Variants in TNFRSF11A observed in about 807,000 individuals in gnomAD.
TNFRSF11A encodes the protein TNF receptor superfamily member 11a, also known as tumor necrosis factor receptor superfamily member 11A.
Under a neutral mutation model 55.7 loss-of-function variants are expected in TNFRSF11A, and 32 were observed. That is an observed-to-expected ratio of 0.57 (90% CI 0.43 to 0.77). The LOEUF (loss-of-function observed/expected upper bound fraction) is 0.77. TNFRSF11A is among the 30% of genes least tolerant of loss of function. The pLI is 0.00. For missense variants in TNFRSF11A, 753 were observed against 809.8 expected (o/e 0.93, Z 0.85); for synonymous variants, 311 against 331.0 (o/e 0.94, Z 0.65).
Position 62,357,199 on chromosome 18 carries a change from C to T in TNFRSF11A, c.428-1049C>T, listed in dbSNP as rs777880941. 3.3e-5 allele frequency among the ~76,000 whole-genome samples: 5 copies of T among 152,208 alleles called. No individual in the cohort carries two copies. In the East Asian group the frequency reaches 5.8e-4, roughly 18 times the overall value. On this transcript the variant is annotated intron_variant, in intron 4 of 9. Coordinates refer to ENST00000586569, the MANE Select transcript of TNFRSF11A (RefSeq NM_003839.4). ...TTTCCTTTTTTTAGTGTTTTATTCA[C>T]GAAAGTAAATCACAGAAGTGCTACT...
chr18:62,383,030 C>T lies in TNFRSF11A; in HGVS notation c.1568-1721C>T, dbSNP rs762798024. On this transcript the variant is annotated intron_variant, in intron 9 of 9. Coordinates refer to ENST00000586569, the MANE Select transcript of TNFRSF11A (RefSeq NM_003839.4). The surrounding 1 kb of genome is among the most constrained non-coding windows in gnomAD (Gnocchi z 4.2). ...TGGTGAGCAGACCCTCACTGGAGTA[C>T]GCTGCATGCCTGGCAATGTGTGGAG... is the stretch of plus-strand genomic sequence containing the variant. Among the ~76,000 whole-genome samples, 33 of 152,256 alleles carry T rather than the reference C, an allele frequency of 2.2e-4. No individual in the cohort carries two copies. Among genetic ancestry groups the T allele is most frequent in the Middle Eastern group, 3.4e-3 (1 of 294 alleles).
intron 6 of TNFRSF11A, among the ~76,000 whole-genome samples, chr18:62,360,512 T>C (rs554861942): frequency 6.6e-6 from 1 of 151,962 alleles, no homozygotes; most frequent in East Asian, 1.9e-4. Context: ...AGTGGCGTGA[T>C]ATCAGCTCAC....
chr18:62,356,815 TG>T (rs558531267), intron 4 of TNFRSF11A, among the ~76,000 whole-genome samples: 199 of 152,076 alleles, frequency 1.3e-3, no homozygotes, highest in Non-Finnish European at 2.5e-3. Flanking sequence ...TTTTGTGAAA[TG>T]GGAAAAGTGT....
rs2046120124 is a variant in TNFRSF11A at position 62,329,482 on chromosome 18, G to A, written c.75+4055G>A. Among the ~76,000 whole-genome samples, 3 of 152,204 alleles carry A rather than the reference G, an allele frequency of 2.0e-5. No homozygotes were observed. The South Asian group carries it at 6.2e-4, about 32-fold the overall frequency. On this transcript the variant is annotated intron_variant, in intron 1 of 9. Transcript: ENST00000586569. Reference sequence around the variant, plus strand: ...CCCTTTCATTCTCTGCCCGGATTGTGGGACGGCCTTTCTGTGTATTTCCCT... The same window carrying A: ...CCCTTTCATTCTCTGCCCGGATTGTAGGACGGCCTTTCTGTGTATTTCCCT...
intron 9 of TNFRSF11A, among the ~76,000 whole-genome samples, chr18:62,380,416 T>C (rs116256783): frequency 2.6e-4 from 39 of 152,152 alleles, no homozygotes; most frequent in African/African-American, 9.4e-4. Context: ...AACTGTCCTT[T>C]ACATCTTAAC....
At chr18:62,365,042 G>A (rs534372067) in intron 7 of TNFRSF11A, among the ~76,000 whole-genome samples, 2 of 152,030 alleles carry the variant, frequency 1.3e-5, no homozygotes, top group South Asian at 2.1e-4. Flanking sequence ...CTGCAGCCTC[G>A]ACCTCCCTCC....
At chr18:62,330,952 A>G (rs530828906) in intron 1 of TNFRSF11A, 37 of 152,406 alleles carry the variant, frequency 2.4e-4, no homozygotes, top group African/African-American at 8.4e-4. Context: ...CACGCCTGCA[A>G]TCCCAGCACT....
rs771876576 is a variant in TNFRSF11A, at chr18:62,354,515, C to A, written c.408C>A (p.Gly136=). 1.2e-6 allele frequency: 2 copies of A among 1,602,710 alleles called. No homozygotes were observed. The highest frequency in any genetic ancestry group is 2.2e-5 in the South Asian group (2 of 91,024). The change falls in exon 4 of 10, where the codon GGC becomes GGA. Residue 136 remains glycine (G), a synonymous_variant. Transcript: ENST00000586569. ...GCCGCAACACCGAGTGCGCGCCGGG[C>A]CTGGGCGCCCAGCACCCGTGTACGG... is the stretch of plus-strand genomic sequence containing the variant. ...CCRRNTECAP[G]LGAQHPLQLN...
intron 3 of TNFRSF11A, 36 bp downstream of exon 3, chr18:62,349,973 T>G: frequency 1.2e-6 from 2 of 1,612,672 alleles, no homozygotes; most frequent in Non-Finnish European, 1.7e-6. Context: ...GTGGGAAGTG[T>G]AGAAACCTCA....
chr18:62,327,850 G>A (rs2145229353), intron 1 of TNFRSF11A, among the ~76,000 whole-genome samples: 1 of 152,298 alleles, frequency 6.6e-6, no homozygotes, highest in Non-Finnish European at 1.5e-5. Flanking sequence ...CTGCCTGCTT[G>A]TATTTGTGAG....
Position 62,390,663 on chromosome 18 carries a change from G to T in TNFRSF11A, c.*5629G>T, listed in dbSNP as rs1238344426. The T allele has an allele frequency of 6.6e-6, 1 of 152,188 alleles. No homozygotes were observed. Among genetic ancestry groups the T allele is most frequent in the East Asian group, 1.9e-4 (1 of 5,198 alleles). 9.4% of individuals were successfully genotyped at this position (152,188 alleles called of 1,614,324 possible). ...CGACATTCTTATGGTGAGGCTCTTA[G>T]AGACTGTCTCCATTTAAGCAGCAGC... On this transcript the variant is annotated 3_prime_UTR_variant, in exon 10 of 10. Coordinates refer to ENST00000586569, the MANE Select transcript of TNFRSF11A (RefSeq NM_003839.4).
chr18:62,369,482 C>G lies in TNFRSF11A; in HGVS notation c.1565C>G (p.Ser522Cys). 6.2e-7 allele frequency: 1 copy of G among 1,605,578 alleles called. No homozygotes were observed. Among genetic ancestry groups the G allele is most frequent in the Non-Finnish European group, 8.5e-7 (1 of 1,180,004 alleles). ...GSSPGGQSPA[S>C]GNVTGNSNST... ...TCCCCTGGTGGCCAGTCCCCTGCAT[C>G]TGGTAAGTGACTTCCCAGTCTCTCA... The change falls in exon 9 of 10, where the codon TCT becomes TGT. Residue 522 changes from serine to cysteine, a missense_variant and splice_region_variant. By Grantham distance (112) the Ser-to-Cys change is moderately radical. This residue lies in a region of TNFRSF11A where 567 missense variants were observed against 596.7 expected (regional missense o/e 0.95). Transcript: ENST00000586569.
intron 2 of TNFRSF11A, among the ~76,000 whole-genome samples, chr18:62,349,465 G>A (rs991781715): frequency 1.3e-5 from 2 of 152,204 alleles, no homozygotes; most frequent in Non-Finnish European, 2.9e-5. Context: ...ACAGGTGTGA[G>A]CCACCGTGCC....
intron 7 of TNFRSF11A, among the ~76,000 whole-genome samples, chr18:62,363,247 C>T (rs955522551): frequency 2.0e-5 from 3 of 151,954 alleles, no homozygotes; most frequent in African/African-American, 7.2e-5. Flanking sequence ...TATCTAGCTA[C>T]TTCTCTAACC....
In TNFRSF11A at chr18:62,369,382, G is replaced by A; in HGVS notation, c.1465G>A (p.Ala489Thr). The change falls in exon 9 of 10, where the codon GCC becomes ACC. Residue 489 changes from alanine to threonine, a missense_variant. Transcript: ENST00000586569. Reference protein sequence around the residue: ...PPEEEASRTEARDQPEDGADG... With the variant: ...PPEEEASRTETRDQPEDGADG... ...TGAAGAAGAAGCCAGCAGGACGGAG[G>A]CCAGAGACCAGCCCGAGGATGGGGC... is the stretch of plus-strand genomic sequence containing the variant. 6.2e-7 allele frequency: 1 copy of A among 1,611,608 alleles called. No homozygotes were observed.
intron 9 of TNFRSF11A, among the ~76,000 whole-genome samples, chr18:62,379,952 G>A (rs530780917): frequency 1.5e-3 from 232 of 152,304 alleles, no homozygotes; most frequent in Non-Finnish European, 2.6e-3. Context: ...TGTCACTTCC[G>A]AAAACGGTAG....
At chr18:62,371,267 AC>A (rs1258649248) in intron 9 of TNFRSF11A, among the ~76,000 whole-genome samples, 1 of 152,002 alleles carries the variant, frequency 6.6e-6, no homozygotes, top group East Asian at 1.9e-4. Flanking sequence ...TCAGGGGCAG[AC>A]CGGTTTTTCA....
intron 2 of TNFRSF11A, 81 bp from the exon 3 acceptor site, chr18:62,349,731 A>G: frequency 1.3e-6 from 2 of 1,558,706 alleles, no homozygotes; most frequent in Non-Finnish European, 1.8e-6. Flanking sequence ...GATGGGTGCA[A>G]TTTTTGTTGC....
At chr18:62,350,426 G>A (rs1440923422) in intron 3 of TNFRSF11A, among the ~76,000 whole-genome samples, 3 of 152,200 alleles carry the variant, frequency 2.0e-5, no homozygotes, top group African/African-American at 7.2e-5. Context: ...CTGAGTAGCT[G>A]GGACTACAGG....
Sources: allele counts gnomAD v4.1 joint callset (sites outside exome capture counted in the v4.1 genomes callset), GRCh38; gene constraint gnomAD v4.1.1; regional missense constraint gnomAD v4.1.1; non-coding constraint Gnocchi (gnomAD v3.1); transcripts MANE v1.5; gene names NCBI Gene and HGNC (gene_info 2026-07-23, HGNC 2026-07-21).